Variants in NPEPL1 observed in about 807,000 individuals in gnomAD.
The protein encoded by NPEPL1 is probable aminopeptidase NPEPL1.
A neutral mutation model predicts 52.4 loss-of-function variants in NPEPL1; 45 were observed. That is an observed-to-expected ratio of 0.86 (90% CI 0.68 to 1.10). The LOEUF (loss-of-function observed/expected upper bound fraction) is 1.10, where lower values mean the gene tolerates loss of function less well. Ranked by LOEUF, NPEPL1 falls within the 50% of genes least tolerant of loss-of-function variation. The pLI is 0.00. For missense variants in NPEPL1, 696 were observed against 710.9 expected, an observed-to-expected ratio of 0.98 and a Z score of 0.24; for synonymous variants, 360 against 314.7, an observed-to-expected ratio of 1.14 and a Z score of -1.52.
At chr20:58,708,574 G>A (rs2084779456) in intron 7 of NPEPL1, among the ~76,000 whole-genome samples, 1 of 151,912 alleles carries the variant, frequency 6.6e-6, no homozygotes, top group Non-Finnish European at 1.5e-5. Context: ...GTCGGAAGAG[G>A]CTGGAGGAGG....
intron 11 of NPEPL1, 137 bp from the exon 12 acceptor site, chr20:58,715,031 G>A (rs1488380445): frequency 3.0e-6 from 3 of 1,005,652 alleles, no homozygotes; most frequent in Non-Finnish European, 4.3e-6. Flanking sequence ...CTGGGCTCCG[G>A]CTGGTGCTCA....
rs1418677806 is a variant in NPEPL1, at chr20:58,707,294, A to AG, written c.900+97dup. The AG allele has an allele frequency of 5.1e-6, 6 of 1,174,886 alleles. No homozygotes were observed. In the East Asian group the frequency reaches 1.5e-4, roughly 30 times the overall value. 72.8% of individuals were successfully genotyped at this position (1,174,886 alleles called of 1,614,324 possible). A position where few individuals can be genotyped will look rare whatever the true frequency, so the allele number is the denominator to read the frequency against. ...TGTCCGTCCCGCCACAGGCCCCACCAGGGTCCTACCCGAGTCTCCCCAGCG... is the reference window on the plus strand; with the variant it reads ...TGTCCGTCCCGCCACAGGCCCCACCAGGGGTCCTACCCGAGTCTCCCCAGCG... On this transcript the variant is annotated intron_variant, in intron 7 of 11. Transcript: ENST00000356091.
At position 58,701,043 on chromosome 20, in the gene NPEPL1, T is replaced by A; in HGVS notation, c.707T>A (p.Leu236Gln). ...ATCTATGGGGTTGGCAAAGCCGCCC[T>A]GCATCCCCCAGCCCTGGCCGTCCTC... ...GGIYGVGKAA[L>Q]HPPALAVLSH... is the part of the protein sequence containing the mutation. The change falls in exon 6 of 12, where the codon CTG becomes CAG. Residue 236 changes from leucine (L) to glutamine (Q), a missense_variant. Physicochemically the swap from Leu to Gln is moderately radical, Grantham distance 113. Coordinates refer to ENST00000356091, the MANE Select transcript of NPEPL1 (RefSeq NM_024663.4). 1.3e-6 allele frequency: 2 copies of A among 1,594,302 alleles called. No individual in the cohort carries two copies. The highest frequency in any genetic ancestry group is 1.7e-6 in the Non-Finnish European group (2 of 1,171,422).
At chr20:58,698,549 C>G (rs989099856) in intron 3 of NPEPL1, 135 bp from the exon 4 acceptor site, 7 of 755,770 alleles carry the variant, frequency 9.3e-6, no homozygotes, top group Non-Finnish European at 1.6e-5. Context: ...TGGTCCCCCT[C>G]TCCCCTCTCT....
upstream of NPEPL1, among the ~76,000 whole-genome samples, chr20:58,690,376 T>G (rs988843099): frequency 2.6e-5 from 4 of 152,248 alleles, no homozygotes. Flanking sequence ...AATTTTTCAT[T>G]GACAGTGAAA....
At chr20:58,708,234 G>A (rs991465460) in intron 7 of NPEPL1, among the ~76,000 whole-genome samples, 28 of 152,364 alleles carry the variant, frequency 1.8e-4, no homozygotes, top group African/African-American at 6.5e-4. Flanking sequence ...CAATCTGGAG[G>A]GTCCTGCTCC....
At chr20:58,699,331 C>A in intron 5 of NPEPL1, 53 bp downstream of exon 5, 2 of 1,415,060 alleles carry the variant, frequency 1.4e-6, no homozygotes, top group Non-Finnish European at 1.9e-6. Flanking sequence ...TGGCCAGGGG[C>A]ACTTGGGTGG....
At chr20:58,702,454 G>A (rs1444103614) in intron 6 of NPEPL1, among the ~76,000 whole-genome samples, 1 of 152,224 alleles carries the variant, frequency 6.6e-6, no homozygotes, top group Non-Finnish European at 1.5e-5. Flanking sequence ...TGGAGAGGAT[G>A]AGCAGTTCCC....
rs532790817 is a variant in NPEPL1 at position 58,698,470 on chromosome 20, G to T, written c.508-214G>T. Among the ~76,000 whole-genome samples the T allele has an allele frequency of 2.0e-5, 3 of 152,276 alleles. No homozygotes were observed. The South Asian group carries it at 6.2e-4, about 32-fold the overall frequency. On this transcript the variant is annotated intron_variant, in intron 3 of 11. Transcript: ENST00000356091. ...TGTGGAGGCGCAGGGTGGTGGCTGTGCTGAAGGTTCTTTCTACAGGTGGCC... is the reference window on the plus strand; with the variant it reads ...TGTGGAGGCGCAGGGTGGTGGCTGTTCTGAAGGTTCTTTCTACAGGTGGCC...
intron 7 of NPEPL1, among the ~76,000 whole-genome samples, chr20:58,709,289 A>G (rs1174364191): frequency 1.3e-5 from 2 of 152,042 alleles, no homozygotes; most frequent in East Asian, 1.9e-4. Context: ...TTAGAAAGGA[A>G]TACGCCTCTG....
intron 4 of NPEPL1, 136 bp from the exon 5 acceptor site, chr20:58,699,061 G>T: frequency 1.2e-6 from 1 of 803,578 alleles, no homozygotes; most frequent in Non-Finnish European, 2.1e-6. Context: ...TTCATCACAC[G>T]CGAAGCTGGC....
intron 6 of NPEPL1, among the ~76,000 whole-genome samples, chr20:58,702,314 A>G (rs1439909551): frequency 6.6e-6 from 1 of 152,052 alleles, no homozygotes; most frequent in Non-Finnish European, 1.5e-5. Flanking sequence ...CCCATTCTCC[A>G]GTTTGGTTTG....
At chr20:58,709,823 C>T (rs1243404412) in intron 7 of NPEPL1, among the ~76,000 whole-genome samples, 2 of 152,172 alleles carry the variant, frequency 1.3e-5, no homozygotes, top group Non-Finnish European at 2.9e-5. Context: ...ACTATGCAGT[C>T]GCCCAGATTA....
chr20:58,703,445 C>G, intron 6 of NPEPL1: 3 of 984,788 alleles, frequency 3.0e-6, no homozygotes, highest in Non-Finnish European at 3.6e-6. Context: ...CTGCCTGCAC[C>G]TGGTACTGGC....
intron 7 of NPEPL1, among the ~76,000 whole-genome samples, chr20:58,712,160 G>C (rs907413626): frequency 1.3e-5 from 2 of 152,186 alleles, no homozygotes; most frequent in Non-Finnish European, 2.9e-5. Flanking sequence ...GCCACCTTCT[G>C]TCGGCACAGG....
upstream of NPEPL1, chr20:58,692,042 C>G (rs368757556): frequency 1.2e-5 from 7 of 590,430 alleles, 1 homozygote; most frequent in South Asian, 1.3e-4. This position sits in a 1 kb window ranked among gnomAD's most constrained non-coding sequence, Gnocchi z 5.7. Flanking sequence ...TCAGGTCACC[C>G]TGCTCCTTCC....
chr20:58,698,297 C>T (rs2084533134), intron 3 of NPEPL1, among the ~76,000 whole-genome samples: 1 of 151,672 alleles, frequency 6.6e-6, no homozygotes, highest in African/African-American at 2.4e-5. Flanking sequence ...AGAGGTGAGG[C>T]GTGGGAAGCT....
At position 58,713,644 on chromosome 20, in the gene NPEPL1, G is replaced by C; in HGVS notation, c.1125+101G>C. The stretch of plus-strand genomic sequence containing the variant: ...AGGCAGCGCGTGGGGGCTGCCGTCA[G>C]GAAGTTTTCATAACTGGGCACGAGG... On this transcript the variant is annotated intron_variant, in intron 9 of 11. Transcript: ENST00000356091. The surrounding 1 kb of genome is among the most constrained non-coding windows in gnomAD (Gnocchi z 4.6). The C allele has an allele frequency of 7.0e-7, 1 of 1,418,884 alleles. No homozygotes were observed. Among genetic ancestry groups the C allele is most frequent in the Non-Finnish European group, 9.3e-7 (1 of 1,078,188 alleles). 87.9% of individuals were successfully genotyped at this position (1,418,884 alleles called of 1,614,324 possible).
At chr20:58,701,189 TG>T (rs1439661811) in intron 6 of NPEPL1, 31 bp downstream of exon 6, 3 of 1,127,464 alleles carry the variant, frequency 2.7e-6, no homozygotes, top group South Asian at 1.9e-5. Flanking sequence ...CAGGGTGCCC[TG>T]GGGGAGGGGA....
Sources: gnomAD v4.1 joint callset for allele counts (sites outside exome capture counted in the v4.1 genomes callset) on GRCh38, gnomAD v4.1.1 for gene constraint, Gnocchi (gnomAD v3.1) non-coding constraint, MANE v1.5 for transcripts, NCBI Gene and HGNC (gene_info 2026-07-23, HGNC 2026-07-21) for gene names.